Variants in PCDHGB3 observed in about 807,000 individuals in gnomAD.
The protein encoded by PCDHGB3 is protocadherin gamma-B3.
Under a neutral mutation model 59.2 loss-of-function variants are expected in PCDHGB3, and 40 were observed. That is an observed-to-expected ratio of 0.68 (90% CI 0.52 to 0.88). The LOEUF (loss-of-function observed/expected upper bound fraction) is 0.88. Among genes scored for constraint, PCDHGB3 ranks in the 40% least tolerant of loss-of-function variants. The pLI is 0.00. For missense variants in PCDHGB3, 1,309 were observed against 1,187.9 expected (o/e 1.10, Z -1.50); for synonymous variants, 581 against 503.6 (o/e 1.15, Z -2.06).
intron 1 of PCDHGB3, chr5:141,403,717 G>T: frequency 6.2e-7 from 1 of 1,613,936 alleles, no homozygotes; most frequent in Non-Finnish European, 8.5e-7. Flanking sequence ...TTGAGAACGT[G>T]CCCCCAGGCA....
intron 1 of PCDHGB3, chr5:141,419,181 A>T (rs769321564): frequency 1.9e-6 from 3 of 1,613,858 alleles, no homozygotes; most frequent in Admixed American, 3.3e-5. Flanking sequence ...ATAACCCTGC[A>T]CATTACTGAC....
At position 141,511,181 on chromosome 5, in the gene PCDHGB3, G is replaced by A. The variant is rs1301391138; in HGVS notation, c.*8G>A. On this transcript the variant is annotated 3_prime_UTR_variant, in exon 4 of 4. Transcript: ENST00000576222. Reference sequence around the variant, plus strand: ...AAGAAGGAGAAGAAGTAACATGGAGGCCAGGCCAAGAGCCACAGGGCGGCC... The same window carrying A: ...AAGAAGGAGAAGAAGTAACATGGAGACCAGGCCAAGAGCCACAGGGCGGCC... 6.2e-7 allele frequency: 1 copy of A among 1,614,016 alleles called. No homozygotes were observed. The highest frequency in any genetic ancestry group is 1.7e-5 in the Admixed American group (1 of 60,016).
At chr5:141,392,247 T>C (rs1228504452) in intron 1 of PCDHGB3, 1 of 152,196 alleles carries the variant, frequency 6.6e-6, no homozygotes, top group Non-Finnish European at 1.5e-5. Context: ...TATTTGTTAG[T>C]ATATATTGGA....
intron 1 of PCDHGB3, chr5:141,395,535 C>A: frequency 3.6e-5 from 12 of 331,892 alleles, no homozygotes; most frequent in Admixed American, 5.0e-5. Context: ...GGTAATTTTG[C>A]TATTGTTTGT....
At chr5:141,499,726 ACT>A (rs1368224475) in intron 2 of PCDHGB3, among the ~76,000 whole-genome samples, 1 of 128,608 alleles carries the variant, frequency 7.8e-6, no homozygotes, top group African/African-American at 3.0e-5. Flanking sequence ...ACAGAGTCTC[ACT>A]CTCTTGCCCA....
chr5:141,470,871 T>C (rs1036871133), intron 1 of PCDHGB3, among the ~76,000 whole-genome samples: 1 of 151,822 alleles, frequency 6.6e-6, no homozygotes, highest in Admixed American at 6.6e-5. Flanking sequence ...TGTTTGTTTG[T>C]TTTTTTGTTT....
At position 141,422,391 on chromosome 5, in the gene PCDHGB3, T is replaced by A. The variant is rs1036823508; in HGVS notation, c.2415+49582T>A. On this transcript the variant is annotated intron_variant, in intron 1 of 3. Transcript: ENST00000576222. ...ATGGTCAAGTCTCCTGTTTTATTCCTAACCACCTGCCTTTTAAATTAGAAA... is the reference window on the plus strand; with the variant it reads ...ATGGTCAAGTCTCCTGTTTTATTCCAAACCACCTGCCTTTTAAATTAGAAA... 2.5e-6 allele frequency: 4 copies of A among 1,591,932 alleles called. No individual in the cohort carries two copies. The African/African-American group carries it at 4.1e-5, about 16-fold the overall frequency.
intron 1 of PCDHGB3, chr5:141,376,682 T>TTTTTTTTG (rs1773145441): frequency 1.3e-6 from 1 of 786,082 alleles, no homozygotes; most frequent in African/African-American, 1.9e-5. Flanking sequence ...TATCGTTTTT[T>TTTTTTTTG]TTTTTTTTTT....
chr5:141,413,671 G>A (rs2095665360), intron 1 of PCDHGB3: 13 of 1,613,878 alleles, frequency 8.1e-6, no homozygotes, highest in Non-Finnish European at 9.3e-6. Flanking sequence ...TGATCCGGAT[G>A]TGGGCGTGAA....
At chr5:141,439,898 C>A (rs1428014089) in intron 1 of PCDHGB3, 2 of 152,344 alleles carry the variant, frequency 1.3e-5, no homozygotes, top group African/African-American at 4.8e-5. Flanking sequence ...ACCAAGGCGA[C>A]TACTGCCTCC....
intron 1 of PCDHGB3, chr5:141,409,909 T>C (rs772516694): frequency 1.2e-6 from 2 of 1,613,200 alleles, no homozygotes; most frequent in African/African-American, 2.7e-5. Flanking sequence ...CTCTGGGTCC[T>C]GACGGCTCCG....
chr5:141,467,897 A>G (rs1403276382), intron 1 of PCDHGB3, among the ~76,000 whole-genome samples: 1 of 152,056 alleles, frequency 6.6e-6, no homozygotes, highest in Non-Finnish European at 1.5e-5. Flanking sequence ...GAGCTCAAGA[A>G]ATCCGCCCAC....
chr5:141,463,975 C>T lies in PCDHGB3; in HGVS notation c.2416-30832C>T, dbSNP rs145316182. Among the ~76,000 whole-genome samples the T allele has an allele frequency of 1.3e-3, 204 of 151,992 alleles. 1 individual carries two copies. Among genetic ancestry groups the T allele is most frequent in the African/African-American group, 4.8e-3 (198 of 41,474 alleles). The stretch of plus-strand genomic sequence containing the variant: ...TTTTTAAAATAGCTTCATAAAACTC[C>T]ATTGTAAAAACCAGGTGCAGTGGCT... On this transcript the variant is annotated intron_variant, in intron 1 of 3. Transcript: ENST00000576222.
At chr5:141,414,279 A>C in intron 1 of PCDHGB3, 1 of 1,613,350 alleles carries the variant, frequency 6.2e-7, no homozygotes, top group Non-Finnish European at 8.5e-7. Flanking sequence ...CTCTGGGAAC[A>C]GTCGTAGCCC....
In PCDHGB3 at chr5:141,400,602, A is replaced by C; in HGVS notation, c.2415+27793A>C. 3.1e-6 allele frequency: 5 copies of C among 1,590,234 alleles called. No homozygotes were observed. In the South Asian group the frequency reaches 5.6e-5, roughly 18 times the overall value. ...TTACATGAAACTATCGTACATTTTCAAGTCCAATGAGTTGTCTTAGGGAAG... is the reference window on the plus strand; with the variant it reads ...TTACATGAAACTATCGTACATTTTCCAGTCCAATGAGTTGTCTTAGGGAAG... On this transcript the variant is annotated intron_variant, in intron 1 of 3. Transcript: ENST00000576222.
At chr5:141,439,796 G>C (rs980000701) in intron 1 of PCDHGB3, 4 of 152,318 alleles carry the variant, frequency 2.6e-5, no homozygotes, top group African/African-American at 9.6e-5. Flanking sequence ...AATCCAAGAA[G>C]AGTTTGAAAA....
chr5:141,381,834 T>TTCTTTCTTTCTTTCTTTCTTCTTC, intron 1 of PCDHGB3, among the ~76,000 whole-genome samples: 1 of 140,162 alleles, frequency 7.1e-6, no homozygotes, highest in African/African-American at 2.8e-5. Flanking sequence ...TTCTTTTTTT[T>TTCTTTCTTTCTTTCTTTCTTCTTC]TTTTTTTTTT....
intron 1 of PCDHGB3, among the ~76,000 whole-genome samples, chr5:141,454,062 A>T (rs548960162): frequency 6.6e-6 from 1 of 152,380 alleles, no homozygotes; most frequent in East Asian, 1.9e-4. Context: ...CAAAGAAACA[A>T]AAGTGATAAT....
chr5:141,503,024 A>G (rs574653661), intron 2 of PCDHGB3, among the ~76,000 whole-genome samples: 2 of 150,210 alleles, frequency 1.3e-5, no homozygotes, highest in South Asian at 2.1e-4. Context: ...TTTTTTTTTA[A>G]TATCTATTTT....
Sources: allele counts gnomAD v4.1 joint callset (sites outside exome capture counted in the v4.1 genomes callset), GRCh38; gene constraint gnomAD v4.1.1; transcripts MANE v1.5; gene names NCBI Gene and HGNC (gene_info 2026-07-23, HGNC 2026-07-21).